Variants in CCDC86 observed in about 807,000 individuals in gnomAD.
The protein encoded by CCDC86 is coiled-coil domain containing 86, also known as coiled-coil domain-containing protein 86.
A neutral mutation model predicts 36.7 loss-of-function variants in CCDC86; 28 were observed. The ratio of observed to expected loss-of-function variants is 0.76; its 90% confidence interval spans 0.57 to 1.05. The LOEUF is 1.05. Ranked by LOEUF, CCDC86 falls within the 50% of genes least tolerant of loss-of-function variation. The pLI, the probability that CCDC86 is intolerant of heterozygous loss-of-function variation, is 0.00. For missense variants in CCDC86, 453 were observed against 470.2 expected (o/e 0.96, Z 0.34); for synonymous variants, 199 against 203.4 (o/e 0.98, Z 0.18).
chr11:60,846,100 G>C (rs966202893), intron 1 of CCDC86, among the ~76,000 whole-genome samples: 1 of 152,012 alleles, frequency 6.6e-6, no homozygotes, highest in Non-Finnish European at 1.5e-5. Flanking sequence ...ATCACAGAAC[G>C]TTCTGTTTGA....
chr11:60,848,562 GCCC>G (rs1443030440), intron 2 of CCDC86, among the ~76,000 whole-genome samples: 1 of 152,108 alleles, frequency 6.6e-6, no homozygotes, highest in Non-Finnish European at 1.5e-5. Context: ...GAGCCAGGAA[GCCC>G]CTGTAAAGGG....
At chr11:60,843,031 T>G in intron 1 of CCDC86, 149 bp downstream of exon 1, 1 of 1,087,220 alleles carries the variant, frequency 9.2e-7, no homozygotes, top group Non-Finnish European at 1.2e-6. Flanking sequence ...ACAATCAGAA[T>G]GTGGTAAAAT....
At chr11:60,847,060 G>A (rs767976342) in intron 1 of CCDC86, among the ~76,000 whole-genome samples, 177 of 151,900 alleles carry the variant, frequency 1.2e-3, no homozygotes, top group Middle Eastern at 0.01. Flanking sequence ...CCAACTGGGG[G>A]AAGAGATTCT....
chr11:60,848,755 C>A (rs757185486), intron 2 of CCDC86, among the ~76,000 whole-genome samples: 1 of 152,102 alleles, frequency 6.6e-6, no homozygotes, highest in African/African-American at 2.4e-5. Flanking sequence ...GAGTGCCGAA[C>A]GGGATTCAGA....
chr11:60,849,892 G>A, intron 2 of CCDC86, 48 bp from the exon 3 acceptor site: 3 of 1,520,962 alleles, frequency 2.0e-6, no homozygotes, highest in Non-Finnish European at 1.8e-6. Flanking sequence ...GAGAGACCAG[G>A]GCTGCCTCTG....
rs1855142675 is a variant in CCDC86, at chr11:60,842,918, C to T, written c.758+36C>T. The T allele has an allele frequency of 2.0e-6, 3 of 1,531,260 alleles. No individual in the cohort carries two copies. In the South Asian group the frequency reaches 3.9e-5, roughly 20 times the overall value. 94.9% of individuals were successfully genotyped at this position (1,531,260 alleles called of 1,614,324 possible). A position where few individuals can be genotyped will look rare whatever the true frequency, so the allele number is the denominator to read the frequency against. ...GGACAGCATGGACAGGGGTGGCGTT[C>T]TCTATGGTGTTGGGACCCCGCCTTT... On this transcript the variant is annotated intron_variant, in intron 1 of 3. Coordinates refer to ENST00000227520, the MANE Select transcript of CCDC86 (RefSeq NM_024098.4).
chr11:60,842,949 GC>G, intron 1 of CCDC86, 67 bp downstream of exon 1: 6 of 1,502,894 alleles, frequency 4.0e-6, no homozygotes, highest in Non-Finnish European at 5.3e-6. Context: ...CCTTTGCCCT[GC>G]TGCAGCCTGG....
rs1267540060 is a variant in CCDC86 at position 60,842,327 on chromosome 11, G to A, written c.203G>A (p.Gly68Glu). 1 of 1,613,672 alleles carries A rather than the reference G, an allele frequency of 6.2e-7. No individual in the cohort carries two copies. Among genetic ancestry groups the A allele is most frequent in the African/African-American group, 1.3e-5 (1 of 74,928 alleles). ...SPERPPKTSPGSPRLQQGAGL... is the reference protein window; with the variant it reads ...SPERPPKTSPESPRLQQGAGL... ...GAAAGGCCGCCGAAGACAAGCCCAG[G>A]ATCACCCCGTCTGCAGCAGGGTGCA... Residue 68 changes from glycine (G) to glutamate (E), a missense_variant, in exon 1 of 4, where the codon GGA (glycine) becomes GAA (glutamate). Coordinates refer to ENST00000227520, the MANE Select transcript of CCDC86 (RefSeq NM_024098.4).
intron 1 of CCDC86, among the ~76,000 whole-genome samples, chr11:60,847,089 CTT>C (rs1018123119): frequency 1.4e-5 from 2 of 144,118 alleles, no homozygotes; most frequent in Non-Finnish European, 1.5e-5. Flanking sequence ...TTTCTTTTTT[CTT>C]TTTTTTTTTT....
rs944579924 is a variant in CCDC86, at chr11:60,850,614, A to C, written c.*289A>C. 4 of 401,096 alleles carry C rather than the reference A, an allele frequency of 1.0e-5. No individual in the cohort carries two copies. Among genetic ancestry groups the C allele is most frequent in the Admixed American group, 4.1e-5 (1 of 24,498 alleles). 24.8% of individuals were successfully genotyped at this position (401,096 alleles called of 1,614,324 possible). ...AGTGCCTTCAAACCAAGAACTGTAC[A>C]TTCTTCTGGTTCCTCAGTGAGCTGG... On this transcript the variant is annotated 3_prime_UTR_variant, in exon 4 of 4. Transcript: ENST00000227520.
intron 1 of CCDC86, 188 bp from the exon 2 acceptor site, chr11:60,847,736 C>T: frequency 1.7e-6 from 1 of 598,966 alleles, no homozygotes; most frequent in Non-Finnish European, 2.8e-6. Context: ...GAAATGGCAG[C>T]CAGCACGATC....
chr11:60,843,068 C>A, intron 1 of CCDC86, 186 bp downstream of exon 1: 1 of 805,364 alleles, frequency 1.2e-6, no homozygotes, highest in Non-Finnish European at 1.8e-6. Context: ...GAGGGTGGGG[C>A]CAGGCCCTCA....
chr11:60,847,740 C>A (rs902045312), intron 1 of CCDC86, 184 bp from the exon 2 acceptor site: 1 of 624,888 alleles, frequency 1.6e-6, no homozygotes, highest in Non-Finnish European at 2.7e-6. Flanking sequence ...TGGCAGCCAG[C>A]ACGATCAGGG....
At chr11:60,844,205 G>A (rs1855157109) in intron 1 of CCDC86, among the ~76,000 whole-genome samples, 1 of 152,144 alleles carries the variant, frequency 6.6e-6, no homozygotes, top group Admixed American at 6.5e-5. Flanking sequence ...TGCAGAGGTG[G>A]GGAGAAGGGA....
rs1223983442 is a variant in CCDC86 at position 60,842,404 on chromosome 11, C to G, written c.280C>G (p.Arg94Gly). The change falls in exon 1 of 4, where the codon CGT (arginine) becomes GGT (glycine). Residue 94 changes from arginine to glycine, a missense_variant. Arg to Gly is a moderately radical substitution (Grantham distance 125, BLOSUM62 -2). Coordinates refer to ENST00000227520, the MANE Select transcript of CCDC86 (RefSeq NM_024098.4). ...AGAGCCAGGCGCAGCGTCCCCCCAGCGTCAGCAAGACCTACACCTGGAGTC... is the reference window on the plus strand; with the variant it reads ...AGAGCCAGGCGCAGCGTCCCCCCAGGGTCAGCAAGACCTACACCTGGAGTC... ...QPEPGAASPQ[R>G]QQDLHLESPQ... 3 of 1,613,422 alleles carry G rather than the reference C, an allele frequency of 1.9e-6. No homozygotes were observed. The African/African-American group carries it at 4.0e-5, about 22-fold the overall frequency.
chr11:60,846,344 G>A (rs756307128), intron 1 of CCDC86, among the ~76,000 whole-genome samples: 4 of 152,094 alleles, frequency 2.6e-5, no homozygotes, highest in Non-Finnish European at 4.4e-5. Flanking sequence ...AAGTCGGCAG[G>A]GCCAAGGGAC....
Position 60,842,124 on chromosome 11 carries a change from C to T in CCDC86, c.-1C>T. 20 of 1,560,974 alleles carry T rather than the reference C, an allele frequency of 1.3e-5. No homozygotes were observed. Among genetic ancestry groups the T allele is most frequent in the Non-Finnish European group, 1.6e-5 (19 of 1,155,022 alleles). ...GGGTGTGGAAACTTACCGGCTGAGC[C>T]ATGGATACACCGTTAAGGCGCAGCC... On this transcript the variant is annotated 5_prime_UTR_variant, in exon 1 of 4. Transcript: ENST00000227520.
intron 1 of CCDC86, chr11:60,847,634 G>A: frequency 5.5e-6 from 1 of 182,550 alleles, no homozygotes; most frequent in Non-Finnish European, 1.1e-5. Flanking sequence ...GTATCTTTAG[G>A]CAGCTATTTA....
chr11:60,842,891 G>A lies in CCDC86; in HGVS notation c.758+9G>A. 6.4e-7 allele frequency: 1 copy of A among 1,553,796 alleles called. No individual in the cohort carries two copies. The highest frequency in any genetic ancestry group is 8.7e-7 in the Non-Finnish European group (1 of 1,148,930). Reference sequence around the variant, plus strand: ...GACCGCTCCAAGAAAAGGTGAAGTGGGGGACAGCATGGACAGGGGTGGCGT... The same window carrying A: ...GACCGCTCCAAGAAAAGGTGAAGTGAGGGACAGCATGGACAGGGGTGGCGT... On this transcript the variant is annotated intron_variant, in intron 1 of 3. Coordinates refer to ENST00000227520, the MANE Select transcript of CCDC86 (RefSeq NM_024098.4).
Sources: gnomAD v4.1 joint callset for allele counts (sites outside exome capture counted in the v4.1 genomes callset) on GRCh38, gnomAD v4.1.1 for gene constraint, MANE v1.5 for transcripts, NCBI Gene and HGNC (gene_info 2026-07-23, HGNC 2026-07-21) for gene names.